SCD5: variants seen among roughly 807,000 people sequenced by gnomAD.
The protein encoded by SCD5 is stearoyl-CoA desaturase 5.
SCD5 carries 20 observed loss-of-function variants against 30.4 expected under a neutral mutation model. The observed-to-expected ratio is 0.66, with a 90% confidence interval of 0.46 to 0.96. The LOEUF is 0.96. Among genes scored for constraint, SCD5 ranks in the 40% least tolerant of loss-of-function variants. The probability of loss-of-function intolerance (pLI) is 0.00; values close to 1 mark genes in which losing one functional copy is unlikely to be tolerated. For missense variants in SCD5, 381 were observed against 443.3 expected (o/e 0.86, Z 1.26); for synonymous variants, 173 against 176.4 (o/e 0.98, Z 0.16).
At chr4:82,646,621 G>GA (rs984909873) in intron 3 of SCD5, among the ~76,000 whole-genome samples, 1 of 152,126 alleles carries the variant, frequency 6.6e-6, no homozygotes, top group Non-Finnish European at 1.5e-5. Flanking sequence ...AATTAGTCTT[G>GA]ACATCTCCTC....
chr4:82,634,114 A>AT (rs1727375168), intron 4 of SCD5, among the ~76,000 whole-genome samples: 1 of 152,228 alleles, frequency 6.6e-6, no homozygotes. Context: ...ACGGTATTTC[A>AT]TTATATGGAT....
intron 1 of SCD5, among the ~76,000 whole-genome samples, chr4:82,729,169 T>C (rs752871135): frequency 2.6e-5 from 4 of 152,170 alleles, no homozygotes. Context: ...AGACTCCAAG[T>C]CACCAAGAGG....
chr4:82,684,427 A>G (rs1347593129), intron 2 of SCD5, among the ~76,000 whole-genome samples: 2 of 152,242 alleles, frequency 1.3e-5, no homozygotes, highest in African/African-American at 4.8e-5. Context: ...CATCAACAAT[A>G]GAGCAGAAAG....
At chr4:82,680,571 T>A in intron 3 of SCD5, 136 bp downstream of exon 3, 1 of 759,758 alleles carries the variant, frequency 1.3e-6, no homozygotes, top group Non-Finnish European at 2.1e-6. Context: ...TAAATAGAGA[T>A]AAATCTTATA....
intron 3 of SCD5, among the ~76,000 whole-genome samples, chr4:82,651,082 C>A (rs1727742581): frequency 6.6e-6 from 1 of 152,108 alleles, no homozygotes; most frequent in Non-Finnish European, 1.5e-5. Context: ...ATGCTGCAGG[C>A]AGTCTGTTGC....
rs796704228 is a variant in SCD5 at position 82,665,045 on chromosome 4, C to T, written c.569+15662G>A. On this transcript the variant is annotated intron_variant, in intron 3 of 4. Transcript: ENST00000319540. ...TGTATAATACACACACACACACACA[C>T]ATATATACACACACACATATATATA... is the stretch of plus-strand genomic sequence containing the variant. Among the ~76,000 whole-genome samples the T allele has an allele frequency of 1.5e-3, 177 of 118,028 alleles. 9 individuals carry two copies. The highest frequency in any genetic ancestry group is 4.7e-3 in the African/African-American group (121 of 25,660). The allele number at this position is 118,028 out of a possible 152,430, so 77.4% of individuals were successfully genotyped here.
chr4:82,760,637 C>T (rs558357138), intron 1 of SCD5, among the ~76,000 whole-genome samples: 39 of 152,250 alleles, frequency 2.6e-4, no homozygotes, highest in Admixed American at 1.7e-3. Flanking sequence ...TTTCAAGACC[C>T]TACCACTCTC....
At chr4:82,642,062 GAGTAGA>G (rs1191074507) in intron 3 of SCD5, among the ~76,000 whole-genome samples, 1 of 152,072 alleles carries the variant, frequency 6.6e-6, no homozygotes, top group Non-Finnish European at 1.5e-5. Flanking sequence ...ATGGGGACGG[GAGTAGA>G]AGTTTGCAAC....
intron 1 of SCD5, among the ~76,000 whole-genome samples, chr4:82,762,523 G>A (rs561764020): frequency 1.2e-4 from 18 of 152,294 alleles, no homozygotes; most frequent in African/African-American, 1.9e-4. Context: ...GATTACAGGC[G>A]TGAGCCATTG....
intron 1 of SCD5, among the ~76,000 whole-genome samples, chr4:82,733,590 G>A (rs1245609961): frequency 6.6e-6 from 1 of 152,160 alleles, no homozygotes; most frequent in South Asian, 2.1e-4. Context: ...TGTGTGGAGG[G>A]GGAAAAAGAA....
At chr4:82,746,063 G>C (rs1720975499) in intron 1 of SCD5, among the ~76,000 whole-genome samples, 1 of 152,192 alleles carries the variant, frequency 6.6e-6, no homozygotes, top group South Asian at 2.1e-4. Flanking sequence ...CACAATAAGT[G>C]CTATATGAGT....
chr4:82,754,441 C>T (rs927201355), intron 1 of SCD5, among the ~76,000 whole-genome samples: 8 of 146,564 alleles, frequency 5.5e-5, no homozygotes, highest in African/African-American at 1.5e-4. Flanking sequence ...AATCTCAGTG[C>T]GTGGTCACTT....
intron 1 of SCD5, among the ~76,000 whole-genome samples, chr4:82,734,828 G>A (rs1578044240): frequency 1.3e-5 from 2 of 149,804 alleles, no homozygotes; most frequent in Non-Finnish European, 3.0e-5. Flanking sequence ...GCAGTGGCAC[G>A]TTCTCGGCTC....
intron 3 of SCD5, among the ~76,000 whole-genome samples, chr4:82,663,405 T>C (rs570558796): frequency 1.3e-5 from 2 of 152,276 alleles, no homozygotes; most frequent in South Asian, 2.1e-4. Context: ...ACAAGGAAGG[T>C]TGGGGACAGG....
At chr4:82,732,110 T>A (rs1318248215) in intron 1 of SCD5, among the ~76,000 whole-genome samples, 1 of 152,116 alleles carries the variant, frequency 6.6e-6, no homozygotes, top group Non-Finnish European at 1.5e-5. Context: ...ACATTTTTTT[T>A]TCTTTTTTGA....
intron 3 of SCD5, among the ~76,000 whole-genome samples, chr4:82,669,199 A>G (rs1728253700): frequency 6.6e-6 from 1 of 152,196 alleles, no homozygotes; most frequent in African/African-American, 2.4e-5. Context: ...AGAGAAGCAA[A>G]GATGAGTCAA....
chr4:82,683,398 A>C (rs573011245), intron 2 of SCD5, among the ~76,000 whole-genome samples: 1 of 152,330 alleles, frequency 6.6e-6, no homozygotes, highest in East Asian at 1.9e-4. Flanking sequence ...ACATAGAAAG[A>C]ACACTCTGTC....
chr4:82,787,430 G>A (rs1190871895), intron 1 of SCD5, among the ~76,000 whole-genome samples: 3 of 152,072 alleles, frequency 2.0e-5, no homozygotes, highest in Non-Finnish European at 4.4e-5. Context: ...TAAAACACAG[G>A]AGCCAGACCT....
chr4:82,703,268 GTTCAT>G (rs1369519060), intron 2 of SCD5, among the ~76,000 whole-genome samples: 1 of 152,124 alleles, frequency 6.6e-6, no homozygotes, highest in Non-Finnish European at 1.5e-5. Context: ...TTTTAAAGCT[GTTCAT>G]TTATTTTTTT....
Sources: allele counts gnomAD v4.1 joint callset (sites outside exome capture counted in the v4.1 genomes callset), GRCh38; gene constraint gnomAD v4.1.1; transcripts MANE v1.5; gene names NCBI Gene and HGNC (gene_info 2026-07-23, HGNC 2026-07-21).